EHD1: variants seen among roughly 807,000 people sequenced by gnomAD.
EHD1 encodes the protein EH domain containing 1, also known as EH domain-containing protein 1.
EHD1 carries 19 observed loss-of-function variants against 39.0 expected under a neutral mutation model. That is an observed-to-expected ratio of 0.49 (90% CI 0.34 to 0.72). EHD1 has a LOEUF of 0.72. Ranked by LOEUF, EHD1 falls within the 30% of genes least tolerant of loss-of-function variation. The pLI is 0.01. For synonymous variants in EHD1, 323 were observed against 331.2 expected (o/e 0.98, Z 0.27); for missense variants, 542 against 751.5 (o/e 0.72, Z 3.26).
At chr11:64,859,843 A>T in intron 3 of EHD1, 81 bp downstream of exon 3, 4 of 1,517,786 alleles carry the variant, frequency 2.6e-6, no homozygotes, top group Non-Finnish European at 3.5e-6. Context: ...GGTCTCGGGC[A>T]ATCCTGGGGC....
At chr11:64,862,528 C>G (rs1943726711) in intron 2 of EHD1, among the ~76,000 whole-genome samples, 1 of 152,210 alleles carries the variant, frequency 6.6e-6, no homozygotes, top group South Asian at 2.1e-4. Context: ...GCTGCATGTT[C>G]AGAATGGCCT....
chr11:64,864,469 C>A (rs1385951255), intron 2 of EHD1, among the ~76,000 whole-genome samples: 1 of 152,200 alleles, frequency 6.6e-6, no homozygotes, highest in Non-Finnish European at 1.5e-5. Context: ...GAAAGAGAGG[C>A]CAAGGGCAAC....
At chr11:64,855,051 G>T in intron 4 of EHD1, 194 bp from the exon 5 acceptor site, 3 of 850,732 alleles carry the variant, frequency 3.5e-6, no homozygotes, top group Non-Finnish European at 5.3e-6. Flanking sequence ...TTCCTTGCAG[G>T]GCTGCGGCAA....
chr11:64,866,773 C>A (rs1052045156), intron 2 of EHD1, among the ~76,000 whole-genome samples: 5 of 152,138 alleles, frequency 3.3e-5, no homozygotes, highest in African/African-American at 9.7e-5. Context: ...CCACCACACT[C>A]CATTTACCTG....
Position 64,853,095 on chromosome 11 carries a change from G to A in EHD1, c.*1238C>T, listed in dbSNP as rs922278812. The A allele has an allele frequency of 3.9e-5, 6 of 152,308 alleles. No individual in the cohort carries two copies. Among genetic ancestry groups the A allele is most frequent in the Non-Finnish European group, 7.3e-5 (5 of 68,102 alleles). The allele number at this position is 152,308 out of a possible 1,614,324, so 9.4% of individuals were successfully genotyped here. ...AATGGCCCCAGGCAGAGGAGGGGGA[G>A]GCGGCCTGAACTGGCCCGGGCCACT... On this transcript the variant is annotated 3_prime_UTR_variant, in exon 5 of 5. Coordinates refer to ENST00000320631, the MANE Select transcript of EHD1 (RefSeq NM_006795.4).
intron 2 of EHD1, 126 bp from the exon 3 acceptor site, chr11:64,860,462 T>C: frequency 7.5e-7 from 1 of 1,336,588 alleles, no homozygotes; most frequent in East Asian, 2.5e-5. Flanking sequence ...AGGCCGGGCG[T>C]GGTGGCTCAC....
chr11:64,879,605 C>T (rs1943931403), upstream of EHD1: 1 of 1,550,978 alleles, frequency 6.4e-7, no homozygotes, highest in Non-Finnish European at 8.7e-7. Flanking sequence ...GCCCTACCTC[C>T]CCTTACCAGT....
intron 3 of EHD1, among the ~76,000 whole-genome samples, chr11:64,858,652 C>G (rs1212362590): frequency 6.6e-6 from 1 of 152,260 alleles, no homozygotes; most frequent in Non-Finnish European, 1.5e-5. Context: ...GGGACTGTCA[C>G]TCATGGTGAC....
rs750502846 is a variant in EHD1 at position 64,878,489 on chromosome 11, T to G, written c.-25A>C. ...TACTGCCGGACACGGGGCTGGCTGCTGCGGGGCAGAGCGGCGGCTGAGAGC... is the reference window on the plus strand; with the variant it reads ...TACTGCCGGACACGGGGCTGGCTGCGGCGGGGCAGAGCGGCGGCTGAGAGC... On this transcript the variant is annotated 5_prime_UTR_variant, in exon 1 of 5. Coordinates refer to ENST00000320631, the MANE Select transcript of EHD1 (RefSeq NM_006795.4). 1.3e-6 allele frequency: 2 copies of G among 1,576,622 alleles called. No individual in the cohort carries two copies. Among genetic ancestry groups the G allele is most frequent in the Non-Finnish European group, 1.7e-6 (2 of 1,162,974 alleles).
rs1378801169 is a variant in EHD1 at position 64,860,317 on chromosome 11, G to A, written c.522C>T (p.Val174=). Residue 174 remains valine, a synonymous_variant, in exon 3 of 5, where the codon GTC becomes GTT. Transcript: ENST00000320631. ...RISRGYDFAA[V]LEWFAERVDR... ...CCACACGCTCCGCGAACCACTCCAG[G>A]ACGGCTGCAAAGTCATAGCCTGGGG... 1.2e-6 allele frequency: 2 copies of A among 1,612,724 alleles called. No individual in the cohort carries two copies. The highest frequency in any genetic ancestry group is 1.7e-5 in the Admixed American group (1 of 60,002).
chr11:64,874,584 A>G, intron 1 of EHD1, 66 bp from the exon 2 acceptor site: 2 of 1,305,444 alleles, frequency 1.5e-6, no homozygotes, highest in Non-Finnish European at 1.0e-6. Flanking sequence ...GGACACAACA[A>G]AGGGCTCTCT....
At chr11:64,859,772 G>A (rs910998439) in intron 3 of EHD1, 152 bp downstream of exon 3, 2 of 1,141,642 alleles carry the variant, frequency 1.8e-6, no homozygotes, top group Non-Finnish European at 2.4e-6. Context: ...GCTGACCAAA[G>A]ACTGGTTTCT....
Position 64,855,318 on chromosome 11 carries a change from G to T in EHD1, c.1080+4C>A. The T allele has an allele frequency of 6.2e-7, 1 of 1,613,480 alleles. No homozygotes were observed. The highest frequency in any genetic ancestry group is 1.3e-5 in the African/African-American group (1 of 75,030). On this transcript the variant is annotated splice_donor_region_variant and intron_variant, in intron 4 of 4. Coordinates refer to ENST00000320631, the MANE Select transcript of EHD1 (RefSeq NM_006795.4). ...GCCTGCATGGGGCCTCGGGACAGCCGTACCTGCATCTTGCGGAGGCTCGGG... is the reference window on the plus strand; with the variant it reads ...GCCTGCATGGGGCCTCGGGACAGCCTTACCTGCATCTTGCGGAGGCTCGGG...
chr11:64,855,191 G>T, intron 4 of EHD1, 131 bp downstream of exon 4: 1 of 1,360,190 alleles, frequency 7.4e-7, no homozygotes, highest in Non-Finnish European at 9.7e-7. Context: ...GGGTGCTGGT[G>T]ATTAACCCAG....
Position 64,878,200 on chromosome 11 carries a change from C to T in EHD1, c.265G>A (p.Gly89Arg). The T allele has an allele frequency of 6.2e-7, 1 of 1,612,164 alleles. No individual in the cohort carries two copies. The highest frequency in any genetic ancestry group is 8.5e-7 in the Non-Finnish European group (1 of 1,178,488). The change falls in exon 1 of 5, where the codon GGG becomes AGG. Residue 89 changes from glycine to arginine, a missense_variant. Gly to Arg is a moderately radical substitution (Grantham distance 125). Transcript: ENST00000320631. ...IEQDFPGMRI[G>R]PEPTTDSFIA... is the part of the protein sequence containing the mutation. ...AAGGAGTCGGTGGTGGGCTCGGGCC[C>T]GATGCGCATCCCCGGGAAGTCCTGC...
chr11:64,858,190 C>T (rs56333212), intron 3 of EHD1, among the ~76,000 whole-genome samples: 14 of 142,662 alleles, frequency 9.8e-5, no homozygotes, highest in East Asian at 4.1e-4. Flanking sequence ...TATTTCTTTT[C>T]TTTTTTTTTG....
chr11:64,865,295 C>T (rs1298567793), intron 2 of EHD1, among the ~76,000 whole-genome samples: 3 of 152,238 alleles, frequency 2.0e-5, no homozygotes, highest in African/African-American at 4.8e-5. Flanking sequence ...GCCTAAAAGA[C>T]GCCGGGTTTC....
At position 64,854,032 on chromosome 11, in the gene EHD1, G is replaced by T; in HGVS notation, c.*301C>A. 4.2e-6 allele frequency: 2 copies of T among 479,646 alleles called. No individual in the cohort carries two copies. Among genetic ancestry groups the T allele is most frequent in the South Asian group, 2.3e-5 (1 of 44,380 alleles). The allele number at this position is 479,646 out of a possible 1,614,324, so 29.7% of individuals were successfully genotyped here. A position where few individuals can be genotyped will look rare whatever the true frequency, so the allele number is the denominator to read the frequency against. Reference sequence around the variant, plus strand: ...TCCAGCTCCAGCCACAGCAAAGGCCGGGGGGCAGAGGCCGTGCACACAGGG... The same window carrying T: ...TCCAGCTCCAGCCACAGCAAAGGCCTGGGGGCAGAGGCCGTGCACACAGGG... On this transcript the variant is annotated 3_prime_UTR_variant, in exon 5 of 5. Coordinates refer to ENST00000320631, the MANE Select transcript of EHD1 (RefSeq NM_006795.4).
chr11:64,874,444 C>G lies in EHD1; in HGVS notation c.479G>C (p.Gly160Ala). The G allele has an allele frequency of 6.2e-7, 1 of 1,607,778 alleles. No individual in the cohort carries two copies. The highest frequency in any genetic ancestry group is 8.5e-7 in the Non-Finnish European group (1 of 1,177,364). The change falls in exon 2 of 5, where the codon GGA becomes GCA. Residue 160 changes from glycine to alanine, a missense_variant. Physicochemically the swap from Gly to Ala is moderately conservative, Grantham distance 60. Coordinates refer to ENST00000320631, the MANE Select transcript of EHD1 (RefSeq NM_006795.4). The stretch of plus-strand genomic sequence containing the variant: ...ACCTCTGCTGATCCGCTGCTTCTCT[C>G]CAGACAGGATCCCGGGGGTGTCGAT... ...SIIDTPGILS[G>A]EKQRISRGYD...
Sources: allele counts gnomAD v4.1 joint callset (sites outside exome capture counted in the v4.1 genomes callset), GRCh38; gene constraint gnomAD v4.1.1; transcripts MANE v1.5; gene names NCBI Gene and HGNC (gene_info 2026-07-23, HGNC 2026-07-21).